PRKCA: variants seen among roughly 807,000 people sequenced by gnomAD.
PRKCA encodes the protein protein kinase C alpha type.
PRKCA carries 27 observed loss-of-function variants against 87.0 expected under a neutral mutation model. The ratio of observed to expected loss-of-function variants is 0.31; its 90% confidence interval spans 0.23 to 0.43. The LOEUF (loss-of-function observed/expected upper bound fraction) is 0.43, where lower values mean the gene tolerates loss of function less well. Among genes scored for constraint, PRKCA ranks in the 20% least tolerant of loss-of-function variants. PRKCA has a pLI of 1.00. For synonymous variants in PRKCA, 329 were observed against 311.1 expected (o/e 1.06, Z -0.61); for missense variants, 518 against 852.3 (o/e 0.61, Z 4.88).
At chr17:66,527,715 T>A (rs1320265002) in intron 3 of PRKCA, among the ~76,000 whole-genome samples, 2 of 152,232 alleles carry the variant, frequency 1.3e-5, no homozygotes, top group African/African-American at 4.8e-5. Context: ...TTTTAAGGAC[T>A]AAAATCACTT....
At chr17:66,421,275 G>A (rs190332750) in intron 2 of PRKCA, among the ~76,000 whole-genome samples, 2 of 152,228 alleles carry the variant, frequency 1.3e-5, no homozygotes, top group East Asian at 3.9e-4. Context: ...TGTCATGGGA[G>A]TTCACAGGCT....
chr17:66,582,375 G>T lies in PRKCA; in HGVS notation c.289-58980G>T, dbSNP rs1405250586. Among the ~76,000 whole-genome samples the T allele has an allele frequency of 2.6e-5, 4 of 152,166 alleles. No individual in the cohort carries two copies. In the East Asian group the frequency reaches 7.7e-4, roughly 29 times the overall value. On this transcript the variant is annotated intron_variant, in intron 3 of 16. Transcript: ENST00000413366. Reference sequence around the variant, plus strand: ...TGTGTCCCCACCCAAATCTCACCTTGAATTGTAATAATCCCCATGTGTCAA... The same window carrying T: ...TGTGTCCCCACCCAAATCTCACCTTTAATTGTAATAATCCCCATGTGTCAA...
chr17:66,424,156 G>A (rs535974073), intron 2 of PRKCA, among the ~76,000 whole-genome samples: 8 of 152,074 alleles, frequency 5.3e-5, no homozygotes, highest in African/African-American at 9.7e-5. Context: ...TGCACTTCAC[G>A]TTTTGAATAT....
intron 3 of PRKCA, among the ~76,000 whole-genome samples, chr17:66,539,101 A>G (rs1967889280): frequency 6.6e-6 from 1 of 152,234 alleles, no homozygotes; most frequent in Non-Finnish European, 1.5e-5. Context: ...CAAATGTACT[A>G]AAACATTTTT....
chr17:66,572,396 G>A (rs1969107682), intron 3 of PRKCA, among the ~76,000 whole-genome samples: 1 of 152,092 alleles, frequency 6.6e-6, no homozygotes, highest in Non-Finnish European at 1.5e-5. Flanking sequence ...GAACCCGGGA[G>A]CAAGAGGTTA....
chr17:66,484,030 G>A (rs1042704665), intron 2 of PRKCA, among the ~76,000 whole-genome samples: 1 of 152,146 alleles, frequency 6.6e-6, no homozygotes. Context: ...AGTTCTGCAT[G>A]GCTGGGGAGG....
At chr17:66,656,321 A>C (rs1242440699) in intron 5 of PRKCA, among the ~76,000 whole-genome samples, 1 of 152,124 alleles carries the variant, frequency 6.6e-6, no homozygotes, top group Admixed American at 6.5e-5. Flanking sequence ...AGGAGGAAGC[A>C]CTCTTAAAGA....
At chr17:66,751,483 A>C (rs1363588578) in intron 13 of PRKCA, among the ~76,000 whole-genome samples, 3 of 152,212 alleles carry the variant, frequency 2.0e-5, no homozygotes, top group Non-Finnish European at 4.4e-5. Context: ...GATCCACTAG[A>C]CTTTGAGACT....
intron 3 of PRKCA, among the ~76,000 whole-genome samples, chr17:66,530,154 CT>C (rs1305184388): frequency 6.6e-6 from 1 of 152,196 alleles, no homozygotes; most frequent in Non-Finnish European, 1.5e-5. Context: ...TCCTTATCGT[CT>C]TGAAGTTCAT....
At chr17:66,625,931 A>G (rs943423097) in intron 3 of PRKCA, among the ~76,000 whole-genome samples, 2 of 152,232 alleles carry the variant, frequency 1.3e-5, no homozygotes, top group Non-Finnish European at 1.5e-5. Flanking sequence ...GTATCACAAG[A>G]TAAAAGGAAA....
intron 2 of PRKCA, among the ~76,000 whole-genome samples, chr17:66,347,712 T>G (rs1021177028): frequency 1.3e-5 from 2 of 152,212 alleles, no homozygotes; most frequent in African/African-American, 4.8e-5. Flanking sequence ...GCCGTCAAGC[T>G]GACGGTAGAT....
chr17:66,805,068 T>C lies in PRKCA; in HGVS notation c.*1031T>C. 1.0e-6 allele frequency: 1 copy of C among 982,138 alleles called. No individual in the cohort carries two copies. The highest frequency in any genetic ancestry group is 1.2e-6 in the Non-Finnish European group (1 of 826,850). The allele number at this position is 982,138 out of a possible 1,614,324, so 60.8% of individuals were successfully genotyped here. A position where few individuals can be genotyped will look rare whatever the true frequency, so the allele number is the denominator to read the frequency against. ...AGTAACTTAATGGAAGTGCTGACTC[T>C]AGCATCAGCCTCTACCGATTGATTT... On this transcript the variant is annotated 3_prime_UTR_variant, in exon 17 of 17. Coordinates refer to ENST00000413366, the MANE Select transcript of PRKCA (RefSeq NM_002737.3).
intron 2 of PRKCA, among the ~76,000 whole-genome samples, chr17:66,459,573 A>T (rs1363331290): frequency 3.3e-5 from 5 of 152,222 alleles, no homozygotes; most frequent in African/African-American, 1.2e-4. Context: ...CTTGCTCTCT[A>T]AAAGTGCCAG....
intron 3 of PRKCA, among the ~76,000 whole-genome samples, chr17:66,509,451 C>G (rs1917129174): frequency 6.6e-6 from 1 of 152,012 alleles, no homozygotes; most frequent in South Asian, 2.1e-4. Flanking sequence ...AGTCCAAGAG[C>G]AAGAAAAAGC....
chr17:66,420,126 C>T (rs975307910), intron 2 of PRKCA, among the ~76,000 whole-genome samples: 2 of 151,830 alleles, frequency 1.3e-5, no homozygotes, highest in Non-Finnish European at 2.9e-5. Flanking sequence ...ATTCCCCTGC[C>T]TCAGCCTCCC....
At chr17:66,715,143 T>TC (rs1163828310) in intron 8 of PRKCA, among the ~76,000 whole-genome samples, 1 of 151,358 alleles carries the variant, frequency 6.6e-6, no homozygotes, top group African/African-American at 2.4e-5. Context: ...TTTTTTTTTT[T>TC]CTCTGTGAGG....
At chr17:66,633,410 C>T (rs1312844471) in intron 3 of PRKCA, among the ~76,000 whole-genome samples, 2 of 152,090 alleles carry the variant, frequency 1.3e-5, no homozygotes, top group Non-Finnish European at 2.9e-5. Flanking sequence ...GGGTGTTTCT[C>T]ATATAGTCAG....
chr17:66,719,334 C>T (rs1202904877), intron 8 of PRKCA, among the ~76,000 whole-genome samples: 1 of 152,108 alleles, frequency 6.6e-6, no homozygotes, highest in African/African-American at 2.4e-5. Flanking sequence ...AGGTTACAAA[C>T]AATCTGATTC....
At chr17:66,684,015 A>G (rs765991682) in intron 5 of PRKCA, among the ~76,000 whole-genome samples, 15 of 152,032 alleles carry the variant, frequency 9.9e-5, no homozygotes, top group Non-Finnish European at 1.9e-4. Context: ...TCTTCCTTAC[A>G]ACTATTCCTA....
Sources: gnomAD v4.1 joint callset for allele counts (sites outside exome capture counted in the v4.1 genomes callset) on GRCh38, gnomAD v4.1.1 for gene constraint, MANE v1.5 for transcripts, NCBI Gene and HGNC (gene_info 2026-07-23, HGNC 2026-07-21) for gene names.